The following ITGA2 variants were observed in gnomAD, a reference collection of about 807,000 sequenced individuals.
ITGA2 encodes integrin subunit alpha 2, also known as integrin alpha-2.
A neutral mutation model predicts 146.3 loss-of-function variants in ITGA2; 101 were observed. The ratio of observed to expected loss-of-function variants is 0.69; its 90% CI spans 0.59 to 0.81. The LOEUF (loss-of-function observed/expected upper bound fraction) is 0.81, where lower values mean the gene tolerates loss of function less well. ITGA2 is among the 40% of genes least tolerant of loss of function. The probability of loss-of-function intolerance (pLI) is 0.00; values close to 1 mark genes in which losing one functional copy is unlikely to be tolerated. For missense variants in ITGA2, 1,281 were observed against 1,402.7 expected (o/e 0.91, Z 1.39); for synonymous variants, 477 against 487.1 (o/e 0.98, Z 0.27).
chr5:53,079,401 G>A (rs898081509), intron 24 of ITGA2, among the ~76,000 whole-genome samples: 4 of 151,984 alleles, frequency 2.6e-5, no homozygotes, highest in Non-Finnish European at 5.9e-5. Flanking sequence ...GTAATACTAG[G>A]TAGTATCTAA....
intron 1 of ITGA2, among the ~76,000 whole-genome samples, chr5:53,002,408 A>G (rs1741627747): frequency 6.6e-6 from 1 of 152,188 alleles, no homozygotes; most frequent in South Asian, 2.1e-4. Flanking sequence ...ATTAACAGAA[A>G]AAATATTTAT....
chr5:53,044,852 C>T (rs1743997318), intron 3 of ITGA2, 149 bp from the exon 4 acceptor site: 1 of 670,818 alleles, frequency 1.5e-6, no homozygotes, highest in Non-Finnish European at 2.7e-6. Flanking sequence ...ATCGCGTTTC[C>T]CCACACTTCA....
At chr5:53,061,196 T>C in intron 12 of ITGA2, 150 bp downstream of exon 12, 1 of 793,256 alleles carries the variant, frequency 1.3e-6, no homozygotes. Context: ...ATTCCTTAAA[T>C]CATCACAACA....
chr5:53,064,966 C>T lies in ITGA2; in HGVS notation c.1657C>T (p.Arg553Ter), dbSNP rs1745076487. The change falls in exon 14 of 30, where the codon CGA (arginine) becomes TGA (stop). Residue 553 changes from arginine to a stop codon, truncating the protein, a stop_gained. Transcript: ENST00000296585. LOFTEE classifies it high-confidence loss of function. The stretch of plus-strand genomic sequence containing the variant: ...AGGCCCCGAGGGCATTGAAAACACT[C>T]GATTTGGTTCAGCAATTGCAGCTCT... ...LEGPEGIENT[R>*]FGSAIAALSD... is the part of the protein sequence containing the mutation. 5 of 1,612,880 alleles carry T rather than the reference C, an allele frequency of 3.1e-6. No individual in the cohort carries two copies. The highest frequency in any genetic ancestry group is 1.7e-5 in the Admixed American group (1 of 59,862).
At chr5:53,001,614 T>G (rs1390676218) in intron 1 of ITGA2, among the ~76,000 whole-genome samples, 1 of 152,126 alleles carries the variant, frequency 6.6e-6, no homozygotes, top group Admixed American at 6.5e-5. Context: ...GCAGAAGGAT[T>G]GTTTGAGGCC....
intron 1 of ITGA2, among the ~76,000 whole-genome samples, chr5:52,995,215 G>A (rs1367722792): frequency 6.6e-6 from 1 of 152,184 alleles, no homozygotes; most frequent in Non-Finnish European, 1.5e-5. Context: ...ATGATATAGA[G>A]CAGGGGTTTT....
chr5:53,047,963 G>A (rs3212480), intron 4 of ITGA2, among the ~76,000 whole-genome samples: 41,649 of 152,002 alleles, frequency 0.27, 5,745 homozygotes, highest in Admixed American at 0.32. Context: ...GATAGAATGT[G>A]TGGTTATCCT....
At chr5:53,005,586 A>G (rs1463454116) in intron 1 of ITGA2, among the ~76,000 whole-genome samples, 4 of 151,896 alleles carry the variant, frequency 2.6e-5, no homozygotes, top group Non-Finnish European at 5.9e-5. Context: ...GTGTCAAAAA[A>G]AAAAAAAAAA....
rs139738925 is a variant in ITGA2, at chr5:53,065,879, C to T, written c.1845C>T (p.Leu615=). 2.1e-4 allele frequency: 333 copies of T among 1,611,840 alleles called. No homozygotes were observed. The highest frequency in any genetic ancestry group is 1.9e-4 in the Non-Finnish European group (221 of 1,178,716). ...CCGATGGAGCCTTTAGGAGCCATCT[C>T]CAGTACTTTGGGAGGTCCTTGGATG... ...LGSDGAFRSH[L]QYFGRSLDGY... Residue 615 remains leucine (L), a synonymous_variant, in exon 15 of 30, where the codon CTC becomes CTT. Transcript: ENST00000296585.
chr5:53,087,960 C>G (rs887349723), intron 28 of ITGA2, among the ~76,000 whole-genome samples: 1 of 152,184 alleles, frequency 6.6e-6, no homozygotes, highest in Non-Finnish European at 1.5e-5. Context: ...GAGTGAAGCT[C>G]ACAGCACTGG....
chr5:53,059,731 T>C, intron 10 of ITGA2, 143 bp from the exon 11 acceptor site: 1 of 859,774 alleles, frequency 1.2e-6, no homozygotes, highest in Non-Finnish European at 1.9e-6. Context: ...TTAAGACAAT[T>C]CTACAATATG....
rs3212519 is a variant in ITGA2 at position 53,055,352 on chromosome 5, A to G, written c.780-186A>G. Among the ~76,000 whole-genome samples, 9,978 of 152,146 alleles carry G rather than the reference A, an allele frequency of 0.066. 350 individuals are homozygous for G. Among genetic ancestry groups the G allele is most frequent in the Non-Finnish European group, 0.076 (5,133 of 67,972 alleles). ...GACATTGTTTTTAATGTCAAGCAAGACTTCCATTTGTATATGTTTCTCTAC... is the reference window on the plus strand; with the variant it reads ...GACATTGTTTTTAATGTCAAGCAAGGCTTCCATTTGTATATGTTTCTCTAC... On this transcript the variant is annotated intron_variant, in intron 7 of 29. Coordinates refer to ENST00000296585, the MANE Select transcript of ITGA2 (RefSeq NM_002203.4).
At chr5:53,058,446 C>T (rs779751683) in intron 10 of ITGA2, among the ~76,000 whole-genome samples, 81 of 151,824 alleles carry the variant, frequency 5.3e-4, no homozygotes, top group Non-Finnish European at 1.1e-3. Flanking sequence ...GTTAAAAACA[C>T]GTACTCTTGT....
At chr5:53,076,606 T>G (rs1044517621) in intron 23 of ITGA2, among the ~76,000 whole-genome samples, 35 of 152,108 alleles carry the variant, frequency 2.3e-4, no homozygotes, top group Non-Finnish European at 5.0e-4. Context: ...ATTTTTTCCT[T>G]CTTATATTTG....
At chr5:53,078,212 G>A (rs1389389025) in intron 23 of ITGA2, among the ~76,000 whole-genome samples, 1 of 152,098 alleles carries the variant, frequency 6.6e-6, no homozygotes, top group Non-Finnish European at 1.5e-5. Context: ...TACACTAATG[G>A]TGGAAACAGA....
chr5:53,092,471 C>T lies in ITGA2; in HGVS notation c.*1872C>T, dbSNP rs1740476127. 6.6e-6 allele frequency: 1 copy of T among 152,138 alleles called. No homozygotes were observed. The highest frequency in any genetic ancestry group is 6.5e-5 in the Admixed American group (1 of 15,272). The allele number at this position is 152,138 out of a possible 1,614,324, so 9.4% of individuals were successfully genotyped here. A position where few individuals can be genotyped will look rare whatever the true frequency, so the allele number is the denominator to read the frequency against. On this transcript the variant is annotated 3_prime_UTR_variant, in exon 30 of 30. Coordinates refer to ENST00000296585, the MANE Select transcript of ITGA2 (RefSeq NM_002203.4). ...GCTATCTGTACTGTTTACAGAATTA[C>T]TTTGTAGTTGACAACACAAAACAAA...
At chr5:53,030,005 C>G (rs546330335) in intron 2 of ITGA2, among the ~76,000 whole-genome samples, 1 of 152,162 alleles carries the variant, frequency 6.6e-6, no homozygotes, top group African/African-American at 2.4e-5. Context: ...CAGAGTAAAT[C>G]TAAGAGCCAC....
At chr5:53,048,068 C>T (rs1744176202) in intron 4 of ITGA2, among the ~76,000 whole-genome samples, 1 of 152,112 alleles carries the variant, frequency 6.6e-6, no homozygotes, top group Admixed American at 6.6e-5. Context: ...GGAAGGAAAG[C>T]ACCTGTTTTA....
chr5:53,065,281 A>G (rs2111975810), intron 14 of ITGA2, among the ~76,000 whole-genome samples, 166 bp downstream of exon 14: 1 of 152,104 alleles, frequency 6.6e-6, no homozygotes, highest in Middle Eastern at 3.4e-3. Flanking sequence ...GCACTGTTCT[A>G]GAGTCTGGGG....
Sources: gnomAD v4.1 joint callset for allele counts (sites outside exome capture counted in the v4.1 genomes callset) on GRCh38, gnomAD v4.1.1 for gene constraint, MANE v1.5 for transcripts, NCBI Gene and HGNC (gene_info 2026-07-23, HGNC 2026-07-21) for gene names.